CNOT10: variants seen among roughly 807,000 people sequenced by gnomAD.
The protein encoded by CNOT10 is CCR4-NOT transcription complex, subunit 10.
In CNOT10, 30 loss-of-function variants were observed where a neutral mutation model predicts 94.6. The ratio of observed to expected loss-of-function variants is 0.32; its 90% CI spans 0.24 to 0.43. The LOEUF (loss-of-function observed/expected upper bound fraction) is 0.43, where lower values mean the gene tolerates loss of function less well. CNOT10 is among the 20% of genes least tolerant of loss of function. The pLI is 1.00. For missense variants in CNOT10, 759 were observed against 877.2 expected (o/e 0.87, Z 1.70); for synonymous variants, 289 against 301.6 (o/e 0.96, Z 0.43).
intron 13 of CNOT10, among the ~76,000 whole-genome samples, chr3:32,751,472 A>G (rs1699964004): frequency 6.6e-6 from 1 of 152,204 alleles, no homozygotes; most frequent in Non-Finnish European, 1.5e-5. Flanking sequence ...ATAAAAGGAA[A>G]TGTTTGGAGC....
At chr3:32,731,777 T>G (rs1027486146) in intron 10 of CNOT10, among the ~76,000 whole-genome samples, 8 of 151,964 alleles carry the variant, frequency 5.3e-5, no homozygotes, top group Admixed American at 5.2e-4. Flanking sequence ...TTGCCCAGCT[T>G]AGTTTTATTT....
chr3:32,743,173 G>A (rs533091456), intron 13 of CNOT10, among the ~76,000 whole-genome samples: 25 of 151,748 alleles, frequency 1.6e-4, no homozygotes, highest in Non-Finnish European at 2.4e-4. Context: ...TTTTAGTAGA[G>A]GTGGGGTTTC....
At chr3:32,703,473 A>G (rs907263829) in intron 1 of CNOT10, among the ~76,000 whole-genome samples, 7 of 152,182 alleles carry the variant, frequency 4.6e-5, no homozygotes, top group African/African-American at 1.2e-4. Context: ...CAACAACAGT[A>G]ATAAAATAAC....
intron 1 of CNOT10, among the ~76,000 whole-genome samples, chr3:32,703,629 A>G (rs1198698937): frequency 6.6e-6 from 1 of 152,216 alleles, no homozygotes; most frequent in Non-Finnish European, 1.5e-5. Context: ...TGCTAGACAA[A>G]GGAATGATTG....
At chr3:32,749,668 C>T (rs1699872460) in intron 13 of CNOT10, among the ~76,000 whole-genome samples, 1 of 152,078 alleles carries the variant, frequency 6.6e-6, no homozygotes, top group African/African-American at 2.4e-5. Context: ...CCTCGGCCTC[C>T]CAAAGTGCTG....
In CNOT10 at chr3:32,704,828, C is replaced by G; in HGVS notation, c.135C>G (p.Ala45=). The G allele has an allele frequency of 5.1e-6, 8 of 1,558,812 alleles. No individual in the cohort carries two copies. Among genetic ancestry groups the G allele is most frequent in the Non-Finnish European group, 6.0e-6 (7 of 1,163,330 alleles). The change falls in exon 3 of 19, where the codon GCC becomes GCG. Residue 45 remains alanine (A), a synonymous_variant. Transcript: ENST00000328834. The stretch of plus-strand genomic sequence containing the variant: ...TTTTTTAGTCTGGAAATTATGATGC[C>G]TGTCTACAACACCTTGCCTGTCTAC... ...FQAFTSGNYD[A]CLQHLACLQD... is the part of the protein sequence containing the mutation.
intron 3 of CNOT10, among the ~76,000 whole-genome samples, chr3:32,705,882 C>T (rs1210930288): frequency 3.3e-5 from 5 of 152,026 alleles, no homozygotes; most frequent in Non-Finnish European, 5.9e-5. Context: ...ATTTTTAAAC[C>T]CCATTAAAAT....
chr3:32,749,082 A>T (rs1699845529), intron 13 of CNOT10, among the ~76,000 whole-genome samples: 1 of 151,750 alleles, frequency 6.6e-6, no homozygotes, highest in South Asian at 2.1e-4. Flanking sequence ...TCGGCCTCCC[A>T]AAGTGCTGGG....
chr3:32,767,348 A>C (rs930572198), intron 17 of CNOT10, among the ~76,000 whole-genome samples: 1 of 152,030 alleles, frequency 6.6e-6, no homozygotes, highest in South Asian at 2.1e-4. Flanking sequence ...GAGAAATCCT[A>C]TCTCTACTAA....
In CNOT10 at chr3:32,773,732, C is replaced by A; in HGVS notation, c.*121C>A. The A allele has an allele frequency of 9.3e-7, 1 of 1,079,774 alleles. No individual in the cohort carries two copies. Among genetic ancestry groups the A allele is most frequent in the Non-Finnish European group, 1.3e-6 (1 of 783,984 alleles). The allele number at this position is 1,079,774 out of a possible 1,614,324, so 66.9% of individuals were successfully genotyped here. ...GCTGTTAATTTTGAGTCAATTCTAC[C>A]CCTGACATTTGGCCAAAAGCTTACT... On this transcript the variant is annotated 3_prime_UTR_variant, in exon 19 of 19. Transcript: ENST00000328834.
intron 3 of CNOT10, among the ~76,000 whole-genome samples, chr3:32,707,372 A>T (rs776585536): frequency 1.3e-5 from 2 of 151,338 alleles, no homozygotes. Context: ...ATATATTTTT[A>T]TTATTGAGTA....
intron 1 of CNOT10, among the ~76,000 whole-genome samples, chr3:32,702,406 C>T (rs1312929040): frequency 3.3e-5 from 5 of 152,128 alleles, no homozygotes; most frequent in Admixed American, 6.6e-5. Context: ...AAACAAAAAG[C>T]AAAACATCTA....
At position 32,699,975 on chromosome 3, in the gene CNOT10, C is replaced by CTT. The variant is rs565780036; in HGVS notation, c.23-3876_23-3875dup. 2.4e-3 allele frequency among the ~76,000 whole-genome samples: 316 copies of CTT among 129,206 alleles called. 3 individuals carry two copies. Among genetic ancestry groups the CTT allele is most frequent in the African/African-American group, 8.2e-3 (286 of 35,066 alleles). The allele number at this position is 129,206 out of a possible 152,430, so 84.8% of individuals were successfully genotyped here. On this transcript the variant is annotated intron_variant, in intron 1 of 18. Coordinates refer to ENST00000328834, the MANE Select transcript of CNOT10 (RefSeq NM_015442.3). ...GCTTTAGGAACAAACATATCAGTTT[C>CTT]TTTTTTTTTTTTTTTTTTGAGATGA...
rs563076306 is a variant in CNOT10 at position 32,687,187 on chromosome 3, T to C, written c.22+1705T>C. Among the ~76,000 whole-genome samples, 247 of 152,256 alleles carry C rather than the reference T, an allele frequency of 1.6e-3. 1 individual carries two copies. Among genetic ancestry groups the C allele is most frequent in the African/African-American group, 5.8e-3 (240 of 41,554 alleles). ...ATCTCCATCTCATCTGCTGTGTTTC[T>C]GGCCTTTATCTTTTAATATGATCTA... On this transcript the variant is annotated intron_variant, in intron 1 of 18. Transcript: ENST00000328834.
At chr3:32,727,194 A>G (rs1192156847) in intron 9 of CNOT10, among the ~76,000 whole-genome samples, 4 of 152,080 alleles carry the variant, frequency 2.6e-5, no homozygotes, top group African/African-American at 9.7e-5. Flanking sequence ...AATGTTGGCT[A>G]GGAAAGATGG....
intron 1 of CNOT10, among the ~76,000 whole-genome samples, chr3:32,700,131 A>G (rs1037114544): frequency 3.3e-5 from 5 of 151,882 alleles, no homozygotes; most frequent in African/African-American, 9.7e-5. Context: ...ATGCACCACC[A>G]TGCCCGGCTA....
chr3:32,707,244 G>A (rs942026548), intron 3 of CNOT10, among the ~76,000 whole-genome samples: 3 of 151,736 alleles, frequency 2.0e-5, no homozygotes, highest in African/African-American at 4.8e-5. Context: ...TACATAAGGG[G>A]GTATACAGTT....
intron 13 of CNOT10, among the ~76,000 whole-genome samples, chr3:32,750,803 G>C (rs534258669): frequency 6.6e-6 from 1 of 152,264 alleles, no homozygotes; most frequent in South Asian, 2.1e-4. Context: ...GCCTACCTCA[G>C]CCTCCCAGAG....
chr3:32,719,830 A>T (rs746322453), intron 7 of CNOT10, among the ~76,000 whole-genome samples: 2 of 152,250 alleles, frequency 1.3e-5, no homozygotes, highest in Non-Finnish European at 2.9e-5. Flanking sequence ...AGTGTAGTAG[A>T]TGAACACAAT....
Sources: gnomAD v4.1 joint callset for allele counts (sites outside exome capture counted in the v4.1 genomes callset) on GRCh38, gnomAD v4.1.1 for gene constraint, MANE v1.5 for transcripts, NCBI Gene and HGNC (gene_info 2026-07-23, HGNC 2026-07-21) for gene names.